SESTD1: variants seen among roughly 807,000 people sequenced by gnomAD.
The protein encoded by SESTD1 is SEC14 domain and spectrin repeat-containing protein 1.
In SESTD1, 43 loss-of-function variants were observed where a neutral mutation model predicts 101.7. The observed-to-expected ratio is 0.42, with a 90% CI of 0.33 to 0.55. The LOEUF is 0.55. SESTD1 is among the 20% of genes least tolerant of loss of function. The pLI, the probability that SESTD1 is intolerant of heterozygous loss-of-function variation, is 0.07. For synonymous variants in SESTD1, 283 were observed against 286.8 expected (o/e 0.99, Z 0.13); for missense variants, 647 against 815.1 (o/e 0.79, Z 2.51).
intron 5 of SESTD1, among the ~76,000 whole-genome samples, chr2:179,152,442 T>C (rs1335695863): frequency 6.6e-6 from 1 of 152,236 alleles, no homozygotes; most frequent in Non-Finnish European, 1.5e-5. Context: ...CATAAAACTA[T>C]ATGCTAAAGT....
At position 179,214,233 on chromosome 2, in the gene SESTD1, C is replaced by A. The variant is rs2046688232; in HGVS notation, c.-25-22367G>T. Among the ~76,000 whole-genome samples, 2 of 133,936 alleles carry A rather than the reference C, an allele frequency of 1.5e-5. 1 individual carries two copies. Among genetic ancestry groups the A allele is most frequent in the Non-Finnish European group, 3.2e-5 (2 of 62,560 alleles). 87.9% of individuals were successfully genotyped at this position (133,936 alleles called of 152,430 possible). On this transcript the variant is annotated intron_variant, in intron 1 of 17. Transcript: ENST00000428443. ...CCATCAGTGTGCTGTATTCAGGAGA[C>A]CCATCTCACATGTAGAGGCACACAT...
chr2:179,158,294 A>C (rs1241471737), intron 5 of SESTD1, among the ~76,000 whole-genome samples: 2 of 152,190 alleles, frequency 1.3e-5, no homozygotes, highest in African/African-American at 4.8e-5. Context: ...TCTCTCTCTT[A>C]TATTACCTAT....
At chr2:179,201,453 G>A (rs1444228875) in intron 1 of SESTD1, among the ~76,000 whole-genome samples, 1 of 131,362 alleles carries the variant, frequency 7.6e-6, no homozygotes, top group Non-Finnish European at 1.6e-5. Flanking sequence ...AAATCATGCT[G>A]CTATAAAGAC....
At chr2:179,165,539 G>A (rs991024153) in intron 5 of SESTD1, among the ~76,000 whole-genome samples, 1 of 152,142 alleles carries the variant, frequency 6.6e-6, no homozygotes, top group Non-Finnish European at 1.5e-5. Flanking sequence ...AACATTCCCT[G>A]CATGCCCCAG....
chr2:179,177,937 C>A (rs1232204215), intron 3 of SESTD1, among the ~76,000 whole-genome samples: 1 of 152,118 alleles, frequency 6.6e-6, no homozygotes, highest in Non-Finnish European at 1.5e-5. Context: ...AAGTAAAACA[C>A]GCCAGACACA....
Position 179,236,767 on chromosome 2 carries a change from T to A in SESTD1, c.-26+27732A>T, listed in dbSNP as rs974561201. On this transcript the variant is annotated intron_variant, in intron 1 of 17. Coordinates refer to ENST00000428443, the MANE Select transcript of SESTD1 (RefSeq NM_178123.5). ...TGATGTAGTTTTTTTTTTTTTTTTT[T>A]AATTTTTATTTGCTATCGTTTGATG... 1.5e-3 allele frequency among the ~76,000 whole-genome samples: 204 copies of A among 136,210 alleles called. 1 individual carries two copies. Among genetic ancestry groups the A allele is most frequent in the African/African-American group, 5.4e-3 (182 of 33,438 alleles). The allele number at this position is 136,210 out of a possible 152,430, so 89.4% of individuals were successfully genotyped here. A position where few individuals can be genotyped will look rare whatever the true frequency, so the allele number is the denominator to read the frequency against.
chr2:179,115,213 A>C lies in SESTD1; in HGVS notation c.1691T>G (p.Val564Gly). The change falls in exon 16 of 18, where the codon GTG (valine) becomes GGG (glycine). Residue 564 changes from valine (V) to glycine (G), a missense_variant. By Grantham distance (109) the Val-to-Gly change is moderately radical (BLOSUM62 -3). This residue lies in a region of SESTD1 where 476 missense variants were observed against 562.6 expected (regional missense o/e 0.85). Transcript: ENST00000428443. ...AGTGCAGCGCAAAGATTGGCATAAC[A>C]CAACTGTGGCCTGTAGCAACTGCCT... ...YGRQLLQATV[V>G]LCQSLRCTSR... 6.2e-7 allele frequency: 1 copy of C among 1,612,834 alleles called. No individual in the cohort carries two copies. The highest frequency in any genetic ancestry group is 1.3e-5 in the African/African-American group (1 of 74,954).
At chr2:179,194,175 C>T (rs943226464) in intron 1 of SESTD1, among the ~76,000 whole-genome samples, 1 of 152,222 alleles carries the variant, frequency 6.6e-6, no homozygotes, top group Admixed American at 6.5e-5. Context: ...CCTACTCCAT[C>T]TGCTCCCTCT....
chr2:179,183,110 A>G lies in SESTD1; in HGVS notation c.134T>C (p.Val45Ala). The change falls in exon 3 of 18, where the codon GTC becomes GCC. Residue 45 changes from valine to alanine, a missense_variant. Around this residue, in one of 3 missense-constraint regions of SESTD1, gnomAD observed 168 missense variants for 235.1 expected, o/e 0.71. Coordinates refer to ENST00000428443, the MANE Select transcript of SESTD1 (RefSeq NM_178123.5). Reference protein sequence around the residue: ...LEQTNMDELSVTLDYLLSIPS... With the variant: ...LEQTNMDELSATLDYLLSIPS... Reference sequence around the variant, plus strand: ...AATGCTGAGTAGGTAGTCTAAGGTGACACTCAGCTCATCCATATTTGTCTG... The same window carrying G: ...AATGCTGAGTAGGTAGTCTAAGGTGGCACTCAGCTCATCCATATTTGTCTG... 1 of 1,611,622 alleles carries G rather than the reference A, an allele frequency of 6.2e-7. No homozygotes were observed. The highest frequency in any genetic ancestry group is 8.5e-7 in the Non-Finnish European group (1 of 1,178,786).
At chr2:179,248,256 T>C (rs1277109584) in intron 1 of SESTD1, among the ~76,000 whole-genome samples, 1 of 151,936 alleles carries the variant, frequency 6.6e-6, no homozygotes, top group African/African-American at 2.4e-5. Context: ...TCTTTAGTTA[T>C]CAAGTAAAAT....
At chr2:179,209,776 T>C (rs1409276159) in intron 1 of SESTD1, among the ~76,000 whole-genome samples, 3 of 132,840 alleles carry the variant, frequency 2.3e-5, no homozygotes, top group Non-Finnish European at 4.8e-5. Context: ...AGTGCACAAA[T>C]TGACAATCTA....
chr2:179,250,698 A>G lies in SESTD1; in HGVS notation c.-26+13801T>C, dbSNP rs570364799. Among the ~76,000 whole-genome samples, 453 of 114,588 alleles carry G rather than the reference A, an allele frequency of 4.0e-3. 5 individuals are homozygous for G. Among genetic ancestry groups the G allele is most frequent in the African/African-American group, 0.024 (436 of 18,048 alleles). The allele number at this position is 114,588 out of a possible 152,430, so 75.2% of individuals were successfully genotyped here. On this transcript the variant is annotated intron_variant, in intron 1 of 17. Coordinates refer to ENST00000428443, the MANE Select transcript of SESTD1 (RefSeq NM_178123.5). ...TAAAGACCCAATTTCAACTAAAATC[A>G]CTTTTTAAAAGACCTGTTTCCAAAT...
At position 179,264,773 on chromosome 2, in the gene SESTD1, A is replaced by C. The variant is rs1461888839; in HGVS notation, c.-300T>G. On this transcript the variant is annotated 5_prime_UTR_variant, in exon 1 of 18. Transcript: ENST00000428443. ...CCGCGGCCCGAGCCGCGTCCGCGCG[A>C]CCCCGCGCGCGCCCGGGTGACGGCG... The C allele has an allele frequency of 6.6e-6, 1 of 150,420 alleles. No individual in the cohort carries two copies. The highest frequency in any genetic ancestry group is 1.5e-5 in the Non-Finnish European group (1 of 67,330). The allele number at this position is 150,420 out of a possible 1,614,324, so 9.3% of individuals were successfully genotyped here.
intron 1 of SESTD1, among the ~76,000 whole-genome samples, chr2:179,221,644 A>C (rs2105527344): frequency 6.6e-6 from 1 of 151,330 alleles, no homozygotes; most frequent in African/African-American, 2.4e-5. Flanking sequence ...TGCCCCAGGC[A>C]TGGTGGCTCA....
intron 1 of SESTD1, among the ~76,000 whole-genome samples, chr2:179,240,000 T>A (rs938761368): frequency 6.6e-6 from 1 of 152,156 alleles, no homozygotes. Context: ...GATGATCCAG[T>A]CAAATACCTA....
intron 2 of SESTD1, among the ~76,000 whole-genome samples, chr2:179,188,934 T>TA (rs1286888385): frequency 2.0e-5 from 3 of 152,068 alleles, no homozygotes; most frequent in East Asian, 1.9e-4. Context: ...ATTGGTAATT[T>TA]AAAAAAATCT....
chr2:179,192,585 G>T (rs181830915), intron 1 of SESTD1, among the ~76,000 whole-genome samples: 10 of 152,190 alleles, frequency 6.6e-5, no homozygotes, highest in Admixed American at 5.9e-4. Context: ...GTTTTCCAGG[G>T]TCTACTCAGC....
chr2:179,219,789 AAAC>A (rs2046787716), intron 1 of SESTD1, among the ~76,000 whole-genome samples: 1 of 152,222 alleles, frequency 6.6e-6, no homozygotes, highest in African/African-American at 2.4e-5. Context: ...GTTGTAGAGG[AAAC>A]AACAACAATC....
intron 16 of SESTD1, among the ~76,000 whole-genome samples, chr2:179,114,647 G>T (rs2044587989): frequency 6.6e-6 from 1 of 151,720 alleles, no homozygotes; most frequent in Non-Finnish European, 1.5e-5. Context: ...TTTTTTTAAT[G>T]TCCCGACTTT....
Sources: allele counts gnomAD v4.1 joint callset (sites outside exome capture counted in the v4.1 genomes callset), GRCh38; gene constraint gnomAD v4.1.1; regional missense constraint gnomAD v4.1.1; transcripts MANE v1.5; gene names NCBI Gene and HGNC (gene_info 2026-07-23, HGNC 2026-07-21).